Variants in COMTD1 observed in about 807,000 individuals in gnomAD.
The protein encoded by COMTD1 is catechol-O-methyltransferase domain containing 1.
In COMTD1, 35 loss-of-function variants were observed where a neutral mutation model predicts 33.6. The ratio of observed to expected loss-of-function variants is 1.04; its 90% CI spans 0.80 to 1.38. The LOEUF (loss-of-function observed/expected upper bound fraction) is 1.38. Ranked by LOEUF, COMTD1 falls within the 40% of genes most tolerant of loss-of-function variation. COMTD1 has a pLI of 0.00. For missense variants in COMTD1, 370 were observed against 363.4 expected, an observed-to-expected ratio of 1.02 and a Z score of -0.15; for synonymous variants, 160 against 176.8, an observed-to-expected ratio of 0.91 and a Z score of 0.75.
chr10:75,235,088 G>A lies in COMTD1; in HGVS notation c.419C>T (p.Pro140Leu), dbSNP rs939772887. Residue 140 changes from proline to leucine, a missense_variant, in exon 4 of 7, where the codon CCG becomes CTG. By Grantham distance (98) the Pro-to-Leu change is moderately conservative (BLOSUM62 -3). Transcript: ENST00000372538. Reference sequence around the variant, plus strand: ...CCTCCACAGGGGCCGTCCCAGCTCCGGGGGCTGCGCGTCCACCTCGCAGGT... The same window carrying A: ...CCTCCACAGGGGCCGTCCCAGCTCCAGGGGCTGCGCGTCCACCTCGCAGGT... ...VVTCEVDAQP[P>L]ELGRPLWRQA... 4 of 1,410,310 alleles carry A rather than the reference G, an allele frequency of 2.8e-6. No homozygotes were observed. Among genetic ancestry groups the A allele is most frequent in the Non-Finnish European group, 3.7e-6 (4 of 1,087,640 alleles). 87.4% of individuals were successfully genotyped at this position (1,410,310 alleles called of 1,614,324 possible). A position where few individuals can be genotyped will look rare whatever the true frequency, so the allele number is the denominator to read the frequency against.
Position 75,235,125 on chromosome 10 carries a change from C to G in COMTD1, c.382G>C (p.Gly128Arg). The G allele has an allele frequency of 7.1e-7, 1 of 1,401,100 alleles. No individual in the cohort carries two copies. Among genetic ancestry groups the G allele is most frequent in the Non-Finnish European group, 9.2e-7 (1 of 1,084,346 alleles). 86.8% of individuals were successfully genotyped at this position (1,401,100 alleles called of 1,614,324 possible). A position where few individuals can be genotyped will look rare whatever the true frequency, so the allele number is the denominator to read the frequency against. Reference sequence around the variant, plus strand: ...TCCACCTCGCAGGTCACCACGCGCCCGTCCGCGGGCAGCGCCAGGGCCAGG... The same window carrying G: ...TCCACCTCGCAGGTCACCACGCGCCGGTCCGCGGGCAGCGCCAGGGCCAGG... ...LALALALPAD[G>R]RVVTCEVDAQ... Residue 128 changes from glycine (G) to arginine (R), a missense_variant, in exon 4 of 7, where the codon GGG becomes CGG. Gly to Arg is a moderately radical substitution (Grantham distance 125, BLOSUM62 -2). Transcript: ENST00000372538.
rs775157946 is a variant in COMTD1 at position 75,235,656 on chromosome 10, C to T, written c.182G>A (p.Arg61His). ...DSRLWQYLLS[R>H]SMREHPALRS... ...CAGCGCCGGGTGCTCCCGCATGGAGCGGCTCAGAAGATACTGCCACAGGCG... is the reference window on the plus strand; with the variant it reads ...CAGCGCCGGGTGCTCCCGCATGGAGTGGCTCAGAAGATACTGCCACAGGCG... The change falls in exon 2 of 7, where the codon CGC becomes CAC. Residue 61 changes from arginine (R) to histidine (H), a missense_variant. Coordinates refer to ENST00000372538, the MANE Select transcript of COMTD1 (RefSeq NM_144589.4). 20 of 1,596,546 alleles carry T rather than the reference C, an allele frequency of 1.3e-5. No individual in the cohort carries two copies. The highest frequency in any genetic ancestry group is 2.7e-5 in the African/African-American group (2 of 74,398).
chr10:75,235,413 C>T (rs778209868), intron 2 of COMTD1, 41 bp from the exon 3 acceptor site: 2 of 1,439,966 alleles, frequency 1.4e-6, no homozygotes, highest in Admixed American at 2.3e-5. Flanking sequence ...TGCAGGTCAC[C>T]CACCTTCGCC....
chr10:75,234,608 A>G lies in COMTD1; in HGVS notation c.636+2T>C. ...TCTCCTCCCCCGCAGTGGATCCCTT[A>G]CTCTGAGGACGGCGAGGATGCCTCC... On this transcript the variant is annotated splice_donor_variant, in intron 6 of 6. Transcript: ENST00000372538. LOFTEE classifies it high-confidence loss of function. 1 of 1,560,036 alleles carries G rather than the reference A, an allele frequency of 6.4e-7. No individual in the cohort carries two copies. The highest frequency in any genetic ancestry group is 8.7e-7 in the Non-Finnish European group (1 of 1,152,634).
At position 75,234,728 on chromosome 10, in the gene COMTD1, G is replaced by A. The variant is rs948337373; in HGVS notation, c.518C>T (p.Ala173Val). The A allele has an allele frequency of 1.3e-6, 2 of 1,588,684 alleles. No homozygotes were observed. The highest frequency in any genetic ancestry group is 8.6e-7 in the Non-Finnish European group (1 of 1,169,324). The change falls in exon 6 of 7, where the codon GCG (alanine) becomes GTG (valine). Residue 173 changes from alanine to valine, a missense_variant. Ala to Val is a moderately conservative substitution (Grantham distance 64). Transcript: ENST00000372538. ...CACGTCGAAGGTGCCGGCCTCGCCCGCCGCCAGCAGCTCGTCTTGCGGGGG... is the reference window on the plus strand; with the variant it reads ...CACGTCGAAGGTGCCGGCCTCGCCCACCGCCAGCAGCTCGTCTTGCGGGGG... ...ALETLDELLA[A>V]GEAGTFDVAV...
intron 5 of COMTD1, 76 bp from the exon 6 acceptor site, chr10:75,234,819 G>C: frequency 5.9e-6 from 9 of 1,528,930 alleles, no homozygotes; most frequent in Non-Finnish European, 7.9e-6. Flanking sequence ...AGGCCGGCCC[G>C]GGCTCTGTGA....
chr10:75,235,025 C>T (rs781187312), intron 4 of COMTD1, 33 bp from the exon 5 acceptor site: 5 of 1,487,022 alleles, frequency 3.4e-6, no homozygotes, highest in Admixed American at 5.4e-5. Context: ...GTTGCGCCCC[C>T]GCCTGGGGCT....
chr10:75,235,277 C>T lies in COMTD1; in HGVS notation c.318G>A (p.Ala106=), dbSNP rs770182020. The change falls in exon 3 of 7, where the codon GCG becomes GCA. Residue 106 remains alanine, a synonymous_variant. Transcript: ENST00000372538. ...NLARLIQAKK[A]LDLGTFTGYS... ...GCCGCGTGCCCCTACCCAGGTCCAGCGCCTTCTTGGCCTGGATGAGCCGCG... is the reference window on the plus strand; with the variant it reads ...GCCGCGTGCCCCTACCCAGGTCCAGTGCCTTCTTGGCCTGGATGAGCCGCG... 4 of 1,569,982 alleles carry T rather than the reference C, an allele frequency of 2.5e-6. No homozygotes were observed. In the South Asian group the frequency reaches 3.5e-5, roughly 14 times the overall value.
rs768331364 is a variant in COMTD1 at position 75,233,975 on chromosome 10, G to C, written c.*98C>G. 7 of 1,598,616 alleles carry C rather than the reference G, an allele frequency of 4.4e-6. No homozygotes were observed. The highest frequency in any genetic ancestry group is 6.0e-6 in the Non-Finnish European group (7 of 1,175,896). ...CACACACGGAGGCTCAGGAGGTCGT[G>C]TGTCCCAGCCCCACTTTATTTTCGA... On this transcript the variant is annotated 3_prime_UTR_variant, in exon 7 of 7. Coordinates refer to ENST00000372538, the MANE Select transcript of COMTD1 (RefSeq NM_144589.4).
Position 75,234,194 on chromosome 10 carries a change from G to T in COMTD1, c.668C>A (p.Pro223Gln), listed in dbSNP as rs774149087. 1 of 1,613,160 alleles carries T rather than the reference G, an allele frequency of 6.2e-7. No individual in the cohort carries two copies. ...VLWRGKVLQP[P>Q]KGDVAAECVR... ...ACACTCGGCCGCCACGTCCCCTTTC[G>T]GAGGTTGCAGCACCTTCCCGCGCCA... Residue 223 changes from proline (P) to glutamine (Q), a missense_variant, in exon 7 of 7, where the codon CCG becomes CAG. By Grantham distance (76) the Pro-to-Gln change is moderately conservative. Coordinates refer to ENST00000372538, the MANE Select transcript of COMTD1 (RefSeq NM_144589.4).
In COMTD1 at chr10:75,234,754, G is replaced by T. The variant is rs1434738736; in HGVS notation, c.503-11C>A. On this transcript the variant is annotated splice_polypyrimidine_tract_variant and intron_variant, in intron 5 of 6. Coordinates refer to ENST00000372538, the MANE Select transcript of COMTD1 (RefSeq NM_144589.4). ...CCGCCAGCAGCTCGTCTTGCGGGGG[G>T]AGGGAGGGCAGGTGCGGCTGAGTCC... 2 of 1,576,614 alleles carry T rather than the reference G, an allele frequency of 1.3e-6. No individual in the cohort carries two copies. Among genetic ancestry groups the T allele is most frequent in the African/African-American group, 1.4e-5 (1 of 73,246 alleles).
At position 75,235,903 on chromosome 10, in the gene COMTD1, G is replaced by T; in HGVS notation, c.26C>A (p.Ser9Tyr). MTQPVPRL[S>Y]VPAALALGSA... is the part of the protein sequence containing the mutation. ...GCCCAGGGCCAGCGCGGCGGGCACG[G>T]AGAGCCGGGGCACCGGCTGGGTCAT... Residue 9 changes from serine (S) to tyrosine (Y), a missense_variant, in exon 1 of 7, where the codon TCC becomes TAC. Transcript: ENST00000372538. 6.7e-7 allele frequency: 1 copy of T among 1,483,190 alleles called. No homozygotes were observed. The highest frequency in any genetic ancestry group is 1.3e-5 in the South Asian group (1 of 76,716). The allele number at this position is 1,483,190 out of a possible 1,614,324, so 91.9% of individuals were successfully genotyped here.
Position 75,235,923 on chromosome 10 carries a change from G to A in COMTD1, c.6C>T (p.Thr2=). 7 of 1,457,170 alleles carry A rather than the reference G, an allele frequency of 4.8e-6. No individual in the cohort carries two copies. Among genetic ancestry groups the A allele is most frequent in the Non-Finnish European group, 6.3e-6 (7 of 1,114,018 alleles). 90.3% of individuals were successfully genotyped at this position (1,457,170 alleles called of 1,614,324 possible). A position where few individuals can be genotyped will look rare whatever the true frequency, so the allele number is the denominator to read the frequency against. Residue 2 remains threonine (T), a synonymous_variant, in exon 1 of 7, where the codon ACC becomes ACT. Coordinates refer to ENST00000372538, the MANE Select transcript of COMTD1 (RefSeq NM_144589.4). ...GCACGGAGAGCCGGGGCACCGGCTG[G>A]GTCATGGCGCGGGCAGGAGGCGGCG... M[T]QPVPRLSVPA... is the part of the protein sequence containing the mutation.
rs759711186 is a variant in COMTD1, at chr10:75,235,744, C to T, written c.95-1G>A. On this transcript the variant is annotated splice_acceptor_variant, in intron 1 of 6. Coordinates refer to ENST00000372538, the MANE Select transcript of COMTD1 (RefSeq NM_144589.4). LOFTEE classifies it high-confidence loss of function. Reference sequence around the variant, plus strand: ...CCTCGCCATGGGGGGCACCGCCTCCCTGACGGGGAGAGGGTGTTGGATTAA... The same window carrying T: ...CCTCGCCATGGGGGGCACCGCCTCCTTGACGGGGAGAGGGTGTTGGATTAA... 9 of 1,599,350 alleles carry T rather than the reference C, an allele frequency of 5.6e-6. No individual in the cohort carries two copies. The highest frequency in any genetic ancestry group is 6.8e-6 in the Non-Finnish European group (8 of 1,174,634).
At position 75,235,327 on chromosome 10, in the gene COMTD1, G is replaced by A. The variant is rs752734028; in HGVS notation, c.268C>T (p.Gln90Ter). The change falls in exon 3 of 7, where the codon CAG (glutamine) becomes TAG (stop). Residue 90 changes from glutamine to a stop codon, truncating the protein, a stop_gained. Transcript: ENST00000372538. LOFTEE classifies it high-confidence loss of function. ...GCCAGGTTGGCCAAGAGCTGGGCCT[G>A]CTCGCAGGTCATCATAGAATCCCCC... ...PQGDSMMTCE[Q>*]AQLLANLARL... The A allele has an allele frequency of 5.0e-6, 8 of 1,594,168 alleles. No homozygotes were observed. In the Admixed American group the frequency reaches 1.0e-4, roughly 21 times the overall value.
chr10:75,235,054 G>A lies in COMTD1; in HGVS notation c.447+6C>T. On this transcript the variant is annotated splice_donor_region_variant and intron_variant, in intron 4 of 6. Transcript: ENST00000372538. Reference sequence around the variant, plus strand: ...TGGGGCTGCAGAGCTAGGCGCGGGCGCTCACCTGCCTCCACAGGGGCCGTC... The same window carrying A: ...TGGGGCTGCAGAGCTAGGCGCGGGCACTCACCTGCCTCCACAGGGGCCGTC... 1 of 1,445,052 alleles carries A rather than the reference G, an allele frequency of 6.9e-7. No individual in the cohort carries two copies. Among genetic ancestry groups the A allele is most frequent in the Non-Finnish European group, 9.1e-7 (1 of 1,103,012 alleles). 89.5% of individuals were successfully genotyped at this position (1,445,052 alleles called of 1,614,324 possible).
In COMTD1 at chr10:75,235,184, A is replaced by G; in HGVS notation, c.329-6T>C. The G allele has an allele frequency of 7.1e-7, 1 of 1,417,700 alleles. No homozygotes were observed. Among genetic ancestry groups the G allele is most frequent in the Non-Finnish European group, 9.2e-7 (1 of 1,091,038 alleles). The allele number at this position is 1,417,700 out of a possible 1,614,324, so 87.8% of individuals were successfully genotyped here. On this transcript the variant is annotated splice_region_variant and splice_polypyrimidine_tract_variant and intron_variant, in intron 3 of 6. Coordinates refer to ENST00000372538, the MANE Select transcript of COMTD1 (RefSeq NM_144589.4). Reference sequence around the variant, plus strand: ...GGAGTAGCCCGTGAAGGTGCCTGGGACCAGGACACAGACGGGCTCAGCCCA... The same window carrying G: ...GGAGTAGCCCGTGAAGGTGCCTGGGGCCAGGACACAGACGGGCTCAGCCCA...
chr10:75,235,208 C>T (rs772965315), intron 3 of COMTD1, 30 bp from the exon 4 acceptor site: 184 of 1,459,630 alleles, frequency 1.3e-4, no homozygotes, highest in African/African-American at 2.0e-4. Flanking sequence ...GGGCTCAGCC[C>T]AGAGTGGGGG....
At chr10:75,234,555 G>T in intron 6 of COMTD1, 55 bp downstream of exon 6, 1 of 1,514,890 alleles carries the variant, frequency 6.6e-7, no homozygotes, top group Non-Finnish European at 8.9e-7. Flanking sequence ...CAAGGGAAAA[G>T]ATGGGGACCC....
Sources: allele counts gnomAD v4.1 joint callset, GRCh38; gene constraint gnomAD v4.1.1; transcripts MANE v1.5; gene names NCBI Gene and HGNC (gene_info 2026-07-23, HGNC 2026-07-21).